The following LOXL2 variants were observed in gnomAD, a reference collection of about 807,000 sequenced individuals.
The protein encoded by LOXL2 is lysyl oxidase like 2.
Under a neutral mutation model 93.0 loss-of-function variants are expected in LOXL2, and 70 were observed. The ratio of observed to expected loss-of-function variants is 0.75; its 90% CI spans 0.62 to 0.92. LOXL2 has a LOEUF of 0.92. LOXL2 is among the 40% of genes least tolerant of loss of function. LOXL2 has a pLI of 0.00. For missense variants in LOXL2, 973 were observed against 1,054.9 expected, an observed-to-expected ratio of 0.92 and a Z score of 1.08; for synonymous variants, 438 against 413.2, an observed-to-expected ratio of 1.06 and a Z score of -0.73.
chr8:23,391,740 C>T (rs916615930), intron 1 of LOXL2, among the ~76,000 whole-genome samples: 1 of 152,208 alleles, frequency 6.6e-6, no homozygotes, highest in Non-Finnish European at 1.5e-5. Flanking sequence ...GGGATGGGGC[C>T]CGTGGCATGA....
chr8:23,360,264 C>G lies in LOXL2; in HGVS notation c.357G>C (p.Gly119=), dbSNP rs543972571. 342 of 1,596,968 alleles carry G rather than the reference C, an allele frequency of 2.1e-4. 4 individuals carry two copies. In the South Asian group the frequency reaches 3.7e-3, roughly 17 times the overall value. ...TASSSYGKGE[G]PIWLDNLHCT... ...AGTGGAGATTGTCTAACCAGATGGG[C>G]CCTGAAGGAGGCAGAGAGGAGAGAA... is the stretch of plus-strand genomic sequence containing the variant. The change falls in exon 3 of 14, where the codon GGG becomes GGC. Residue 119 remains glycine, a splice_region_variant and synonymous_variant. Coordinates refer to ENST00000389131, the MANE Select transcript of LOXL2 (RefSeq NM_002318.3).
chr8:23,403,258 G>A (rs1800175114), intron 1 of LOXL2, among the ~76,000 whole-genome samples: 1 of 152,214 alleles, frequency 6.6e-6, no homozygotes, highest in Admixed American at 6.5e-5. Context: ...CAACTCCAGG[G>A]CTTCTAGGTG....
At chr8:23,365,878 A>T (rs1156771591) in intron 2 of LOXL2, 2 of 152,246 alleles carry the variant, frequency 1.3e-5, no homozygotes. Context: ...TTCTCCACTT[A>T]TTACAACCCT....
At chr8:23,340,734 C>A (rs957695353) in intron 4 of LOXL2, among the ~76,000 whole-genome samples, 1 of 152,168 alleles carries the variant, frequency 6.6e-6, no homozygotes, top group East Asian at 1.9e-4. Flanking sequence ...TTCTGCAATA[C>A]GCCTTCCCAC....
chr8:23,379,464 G>A (rs1804643204), intron 1 of LOXL2, among the ~76,000 whole-genome samples: 1 of 152,210 alleles, frequency 6.6e-6, no homozygotes, highest in Admixed American at 6.5e-5. Context: ...CTTCAAAGCT[G>A]TCAGACAGGG....
chr8:23,347,206 C>A (rs1585362703), intron 3 of LOXL2, among the ~76,000 whole-genome samples: 1 of 134,004 alleles, frequency 7.5e-6, no homozygotes, highest in East Asian at 2.1e-4. Context: ...CACACACACA[C>A]ACTAGCTGGG....
intron 7 of LOXL2, 45 bp downstream of exon 7, chr8:23,322,085 C>A: frequency 6.2e-7 from 1 of 1,601,826 alleles, no homozygotes; most frequent in Non-Finnish European, 8.5e-7. Flanking sequence ...GCTATACTTT[C>A]TGCAGCCTCA....
chr8:23,352,009 C>G (rs780115337), intron 3 of LOXL2, among the ~76,000 whole-genome samples: 1 of 152,038 alleles, frequency 6.6e-6, no homozygotes, highest in Non-Finnish European at 1.5e-5. Flanking sequence ...ATGGGGGTCT[C>G]GTCACGTTGG....
chr8:23,397,028 C>A (rs1382395423), intron 1 of LOXL2, among the ~76,000 whole-genome samples: 1 of 152,142 alleles, frequency 6.6e-6, no homozygotes, highest in Non-Finnish European at 1.5e-5. Flanking sequence ...TCAGGCTCAA[C>A]AAGGAAGGAA....
At chr8:23,387,315 CAGAGAG>C in intron 1 of LOXL2, among the ~76,000 whole-genome samples, 1 of 152,276 alleles carries the variant, frequency 6.6e-6, no homozygotes, top group East Asian at 1.9e-4. Flanking sequence ...CGGGGGGTAT[CAGAGAG>C]AGATCAGGAA....
chr8:23,388,033 T>A (rs943706594), intron 1 of LOXL2, among the ~76,000 whole-genome samples: 3 of 152,204 alleles, frequency 2.0e-5, no homozygotes, highest in Non-Finnish European at 2.9e-5. Context: ...ATCATGCTTC[T>A]TAAGTTCCTA....
chr8:23,337,040 TAG>T (rs1193450091), intron 4 of LOXL2: 1 of 152,188 alleles, frequency 6.6e-6, no homozygotes, highest in Non-Finnish European at 1.5e-5. Flanking sequence ...TGATTTGGGA[TAG>T]ACTTTTGTTT....
At chr8:23,299,335 C>T (rs1004499210) in intron 12 of LOXL2, among the ~76,000 whole-genome samples, 1 of 152,158 alleles carries the variant, frequency 6.6e-6, no homozygotes, top group Non-Finnish European at 1.5e-5. Context: ...GGTGTGGGAA[C>T]CTGGAAGAGG....
At chr8:23,306,112 A>G (rs1453522259) in intron 10 of LOXL2, among the ~76,000 whole-genome samples, 1 of 152,102 alleles carries the variant, frequency 6.6e-6, no homozygotes, top group East Asian at 1.9e-4. Context: ...CGTCCATCCC[A>G]GAGCTCAGTG....
intron 1 of LOXL2, among the ~76,000 whole-genome samples, chr8:23,389,773 G>C (rs1804813619): frequency 6.6e-6 from 1 of 152,108 alleles, no homozygotes; most frequent in Admixed American, 6.5e-5. Flanking sequence ...CACAAAGCAG[G>C]CTTCAATGGG....
chr8:23,398,972 G>A (rs952181371), intron 1 of LOXL2, among the ~76,000 whole-genome samples: 2 of 152,242 alleles, frequency 1.3e-5, no homozygotes, highest in African/African-American at 4.8e-5. Flanking sequence ...GGACAGCAGT[G>A]GGTGCATGTG....
chr8:23,367,151 C>T (rs989577122), intron 2 of LOXL2, among the ~76,000 whole-genome samples: 2 of 152,154 alleles, frequency 1.3e-5, no homozygotes, highest in African/African-American at 2.4e-5. Flanking sequence ...CGGGTTCAAG[C>T]GATTTTTGTG....
At chr8:23,375,123 T>G (rs1004587931) in intron 1 of LOXL2, among the ~76,000 whole-genome samples, 31 of 152,230 alleles carry the variant, frequency 2.0e-4, no homozygotes, top group East Asian at 7.7e-4. Flanking sequence ...AATTTTTGTA[T>G]AAGGTGTAAC....
At chr8:23,345,529 C>A (rs1351989810) in intron 3 of LOXL2, among the ~76,000 whole-genome samples, 1 of 152,198 alleles carries the variant, frequency 6.6e-6, no homozygotes, top group African/African-American at 2.4e-5. Context: ...CTGGGGCACA[C>A]ATTCGGTGCT....
Sources: gnomAD v4.1 joint callset for allele counts (sites outside exome capture counted in the v4.1 genomes callset) on GRCh38, gnomAD v4.1.1 for gene constraint, MANE v1.5 for transcripts, NCBI Gene and HGNC (gene_info 2026-07-23, HGNC 2026-07-21) for gene names.